HPCAL1: variants seen among roughly 807,000 people sequenced by gnomAD.
The protein encoded by HPCAL1 is hippocalcin like 1, also known as hippocalcin-like protein 1.
In HPCAL1, 8 loss-of-function variants were observed where a neutral mutation model predicts 17.1. The ratio of observed to expected loss-of-function variants is 0.47; its 90% CI spans 0.27 to 0.84. The LOEUF is 0.84. Ranked by LOEUF, HPCAL1 falls within the 40% of genes least tolerant of loss-of-function variation. HPCAL1 has a pLI of 0.13. For synonymous variants in HPCAL1, 112 were observed against 111.4 expected (o/e 1.01, Z -0.03); for missense variants, 165 against 271.1 (o/e 0.61, Z 2.75).
At chr2:10,361,355 G>A (rs1666517138) in intron 1 of HPCAL1, among the ~76,000 whole-genome samples, 1 of 151,988 alleles carries the variant, frequency 6.6e-6, no homozygotes, top group South Asian at 2.1e-4. Flanking sequence ...GTTTTGCTCT[G>A]TCTCTGGAAT....
At chr2:10,329,546 C>T (rs1389899695) in intron 1 of HPCAL1, among the ~76,000 whole-genome samples, 1 of 152,236 alleles carries the variant, frequency 6.6e-6, no homozygotes, top group Non-Finnish European at 1.5e-5. Context: ...ACCCTTAGGT[C>T]CCCCAGAGGA....
intron 1 of HPCAL1, among the ~76,000 whole-genome samples, chr2:10,314,370 C>T (rs1663170819): frequency 6.6e-6 from 1 of 152,076 alleles, no homozygotes; most frequent in East Asian, 1.9e-4. Flanking sequence ...ATGCATCCAG[C>T]TCACCATTCA....
At chr2:10,315,257 C>T (rs996826707) in intron 1 of HPCAL1, among the ~76,000 whole-genome samples, 6 of 149,818 alleles carry the variant, frequency 4.0e-5, no homozygotes, top group Non-Finnish European at 8.8e-5. Context: ...CGCGCCACTG[C>T]ACTCCAGCCT....
chr2:10,414,488 G>A (rs544245509), intron 2 of HPCAL1, among the ~76,000 whole-genome samples: 3 of 152,290 alleles, frequency 2.0e-5, no homozygotes, highest in Admixed American at 2.0e-4. Flanking sequence ...TTTCCCCTGT[G>A]TGTCTGTGTC....
rs2125406168 is a variant in HPCAL1 at position 10,323,584 on chromosome 2, A to G, written c.-111+20407A>G. Among the ~76,000 whole-genome samples, 1 of 152,304 alleles carries G rather than the reference A, an allele frequency of 6.6e-6. No homozygotes were observed. The highest frequency in any genetic ancestry group is 1.5e-5 in the Non-Finnish European group (1 of 68,022). ...TACCCTTTACCCTGGAGCTGGCCCC[A>G]TCTCTCACAGCCCAGTGGTGTACTA... On this transcript the variant is annotated intron_variant, in intron 1 of 4. Transcript: ENST00000307845. This position sits in a 1 kb window ranked among gnomAD's most constrained non-coding sequence, Gnocchi z 4.6.
Position 10,365,297 on chromosome 2 carries a change from CTG to C in HPCAL1, c.-110-31535_-110-31534del, listed in dbSNP as rs1476047948. 6.6e-6 allele frequency among the ~76,000 whole-genome samples: 1 copy of C among 152,250 alleles called. No individual in the cohort carries two copies. The highest frequency in any genetic ancestry group is 1.5e-5 in the Non-Finnish European group (1 of 68,050). On this transcript the variant is annotated intron_variant, in intron 1 of 4. Coordinates refer to ENST00000307845, the MANE Select transcript of HPCAL1 (RefSeq NM_002149.4). This position sits in a 1 kb window ranked among gnomAD's most constrained non-coding sequence, Gnocchi z 4.8. The stretch of plus-strand genomic sequence containing the variant: ...CTTGATCATCCAGTGGGTGCCCTCA[CTG>C]TGCACCTGCCTCCAGGTGGTGGCGC...
At chr2:10,355,426 G>C (rs576308885) in intron 1 of HPCAL1, among the ~76,000 whole-genome samples, 1 of 128,296 alleles carries the variant, frequency 7.8e-6, no homozygotes, top group African/African-American at 3.0e-5. Context: ...ACTCCAGCCT[G>C]GGCGACAGAG....
chr2:10,303,662 A>AG (rs58797233), intron 1 of HPCAL1: 152,364 of 152,374 alleles, frequency 1, 76,177 homozygotes, highest in Non-Finnish European at 1. Flanking sequence ...GGCAGCCCTC[A>AG]GGGAACAGGT....
intron 1 of HPCAL1, among the ~76,000 whole-genome samples, chr2:10,339,173 G>T (rs979274446): frequency 6.6e-6 from 1 of 152,164 alleles, no homozygotes; most frequent in African/African-American, 2.4e-5. Flanking sequence ...TTTTTTTTGA[G>T]ATAGGGTCTC....
At chr2:10,403,587 G>T (rs1309312028) in intron 2 of HPCAL1, among the ~76,000 whole-genome samples, 3 of 151,972 alleles carry the variant, frequency 2.0e-5, no homozygotes, top group African/African-American at 7.3e-5. Flanking sequence ...AGGTTCAAAT[G>T]AGTCTCCTGC....
In HPCAL1 at chr2:10,363,118, C is replaced by T. The variant is rs1666621837; in HGVS notation, c.-110-33717C>T. Among the ~76,000 whole-genome samples the T allele has an allele frequency of 6.6e-6, 1 of 152,182 alleles. No individual in the cohort carries two copies. The highest frequency in any genetic ancestry group is 2.4e-5 in the African/African-American group (1 of 41,422). ...CCTGGCCAACAGAGCAAGACCTTGTCTCAAAAAGTAAATAAAAAATAAAAC... is the reference window on the plus strand; with the variant it reads ...CCTGGCCAACAGAGCAAGACCTTGTTTCAAAAAGTAAATAAAAAATAAAAC... On this transcript the variant is annotated intron_variant, in intron 1 of 4. Transcript: ENST00000307845. The surrounding 1 kb of genome is among the most constrained non-coding windows in gnomAD (Gnocchi z 4.7).
chr2:10,372,490 A>C (rs7561055), intron 1 of HPCAL1, among the ~76,000 whole-genome samples: 84,249 of 151,754 alleles, frequency 0.56, 24,573 homozygotes, highest in East Asian at 0.8. Context: ...GCTGTGACAC[A>C]CCCAGCAACT....
rs36002921 is a variant in HPCAL1, at chr2:10,410,436, C to CTTTTTTTTTTTTTTTTT, written c.-24-9289_-24-9273dup. 1.9e-4 allele frequency among the ~76,000 whole-genome samples: 15 copies of CTTTTTTTTTTTTTTTTT among 77,488 alleles called. 1 individual carries two copies. The highest frequency in any genetic ancestry group is 2.1e-4 in the Non-Finnish European group (9 of 43,394). 50.8% of individuals were successfully genotyped at this position (77,488 alleles called of 152,430 possible). ...CCTTGTTCCTCTTTTTCTTCTTCTT[C>CTTTTTTTTTTTTTTTTT]TTTTTTTTTTTTTTTTTTTTTTTTT... On this transcript the variant is annotated intron_variant, in intron 2 of 4. Coordinates refer to ENST00000307845, the MANE Select transcript of HPCAL1 (RefSeq NM_002149.4).
intron 1 of HPCAL1, among the ~76,000 whole-genome samples, chr2:10,308,615 C>T (rs1189478854): frequency 6.6e-6 from 1 of 152,176 alleles, no homozygotes; most frequent in Non-Finnish European, 1.5e-5. Context: ...TTGGCCATCC[C>T]GCTGCTAGAT....
rs1028565427 is a variant in HPCAL1 at position 10,303,006 on chromosome 2, G to T, written c.-282G>T. On this transcript the variant is annotated 5_prime_UTR_variant, in exon 1 of 5. Transcript: ENST00000307845. ...GCTTCCTTTTGTCTTTCTGGGCGGC[G>T]ATGAGCGCAGGGCCGGCGCAGCAGC... The T allele has an allele frequency of 1.3e-5, 2 of 151,818 alleles. No individual in the cohort carries two copies. Among genetic ancestry groups the T allele is most frequent in the African/African-American group, 4.8e-5 (2 of 41,400 alleles). 9.4% of individuals were successfully genotyped at this position (151,818 alleles called of 1,614,324 possible).
intron 1 of HPCAL1, among the ~76,000 whole-genome samples, chr2:10,346,259 G>A (rs1665440628): frequency 6.6e-6 from 1 of 151,894 alleles, no homozygotes; most frequent in Non-Finnish European, 1.5e-5. Context: ...TGTTGTGGGG[G>A]CCATGGGGAG....
chr2:10,348,065 C>T (rs1665580748), intron 1 of HPCAL1, among the ~76,000 whole-genome samples: 1 of 152,158 alleles, frequency 6.6e-6, no homozygotes, highest in African/African-American at 2.4e-5. Context: ...AGATCAAGTT[C>T]AAGGGGGCAG....
At chr2:10,381,239 T>G (rs986274921) in intron 1 of HPCAL1, among the ~76,000 whole-genome samples, 2 of 152,212 alleles carry the variant, frequency 1.3e-5, no homozygotes, top group African/African-American at 4.8e-5. Context: ...AGGAGGCATC[T>G]AAGCTCCTTA....
At chr2:10,422,860 C>T (rs894252781) in intron 3 of HPCAL1, 123 bp from the exon 4 acceptor site, 38 of 656,004 alleles carry the variant, frequency 5.8e-5, no homozygotes, top group Admixed American at 3.2e-4. Context: ...GGAAGGGTCC[C>T]GAAGGCCACC....
Sources: allele counts gnomAD v4.1 joint callset (sites outside exome capture counted in the v4.1 genomes callset), GRCh38; gene constraint gnomAD v4.1.1; non-coding constraint Gnocchi (gnomAD v3.1); transcripts MANE v1.5; gene names NCBI Gene and HGNC (gene_info 2026-07-23, HGNC 2026-07-21).